The following CRB1 variants were observed in gnomAD, a reference collection of about 807,000 sequenced individuals.
CRB1 encodes the protein crumbs cell polarity complex component 1.
A neutral mutation model predicts 120.0 loss-of-function variants in CRB1; 83 were observed. That is an observed-to-expected ratio of 0.69 (90% CI 0.58 to 0.83). The LOEUF (loss-of-function observed/expected upper bound fraction) is 0.83, where lower values mean the gene tolerates loss of function less well. Among genes scored for constraint, CRB1 ranks in the 40% least tolerant of loss-of-function variants. The pLI, the probability that CRB1 is intolerant of heterozygous loss-of-function variation, is 0.00. For synonymous variants in CRB1, 625 were observed against 612.5 expected (o/e 1.02, Z -0.30); for missense variants, 1,699 against 1,687.6 (o/e 1.01, Z -0.12).
intron 11 of CRB1, among the ~76,000 whole-genome samples, chr1:197,456,813 G>A (rs1666305814): frequency 1.3e-5 from 2 of 152,256 alleles, no homozygotes; most frequent in East Asian, 1.9e-4. Flanking sequence ...ACCGGTTTCT[G>A]TAAGTCCATA....
chr1:197,241,151 G>A, the CRB1 span, among the ~76,000 whole-genome samples: 1 of 152,098 alleles, frequency 6.6e-6, no homozygotes, highest in Admixed American at 6.6e-5. Context: ...TCTGTAGGTT[G>A]CCTGTTCACT....
chr1:197,375,091 A>T (rs1661576400), intron 5 of CRB1, among the ~76,000 whole-genome samples: 1 of 152,136 alleles, frequency 6.6e-6, no homozygotes, highest in Admixed American at 6.6e-5. Flanking sequence ...TTCCAGAAAG[A>T]CATGTCTCTT....
chr1:197,425,659 C>G (rs958002825), intron 6 of CRB1, among the ~76,000 whole-genome samples: 2 of 152,164 alleles, frequency 1.3e-5, no homozygotes, highest in Non-Finnish European at 2.9e-5. Context: ...CAATTAAACA[C>G]TCCCTCCTCC....
chr1:197,365,489 T>A (rs894246775), intron 5 of CRB1, among the ~76,000 whole-genome samples: 1 of 152,084 alleles, frequency 6.6e-6, no homozygotes, highest in Non-Finnish European at 1.5e-5. Flanking sequence ...TTGCCTATGA[T>A]GCCTCTGGGG....
chr1:197,410,223 T>C (rs1392748847), intron 5 of CRB1, among the ~76,000 whole-genome samples: 1 of 152,248 alleles, frequency 6.6e-6, no homozygotes, highest in African/African-American at 2.4e-5. Context: ...AAATATTTGA[T>C]AATCAAGCTT....
At chr1:197,208,721 A>C in the CRB1 span, among the ~76,000 whole-genome samples, 1 of 152,174 alleles carries the variant, frequency 6.6e-6, no homozygotes, top group South Asian at 2.1e-4. Flanking sequence ...TCAAGACCAC[A>C]TCACCTCCGG....
chr1:197,294,648 A>G (rs546644145), intron 1 of CRB1, among the ~76,000 whole-genome samples: 17 of 152,292 alleles, frequency 1.1e-4, no homozygotes, highest in African/African-American at 4.1e-4. Flanking sequence ...AAAGACTTGG[A>G]ACCAACCCAA....
chr1:197,381,131 G>A (rs1029394178), intron 5 of CRB1, among the ~76,000 whole-genome samples: 5 of 151,898 alleles, frequency 3.3e-5, no homozygotes, highest in Non-Finnish European at 5.9e-5. Context: ...ACCACTCTAG[G>A]GCCTTCAATA....
chr1:197,284,688 T>C (rs1558028844), intron 1 of CRB1, among the ~76,000 whole-genome samples: 1 of 151,918 alleles, frequency 6.6e-6, no homozygotes, highest in Non-Finnish European at 1.5e-5. Flanking sequence ...GTTAGTCCTT[T>C]TTCGGTATAT....
At chr1:197,333,560 A>G (rs2786115) in intron 2 of CRB1, among the ~76,000 whole-genome samples, 106,394 of 152,154 alleles carry the variant, frequency 0.7, 37,442 homozygotes, top group East Asian at 0.93. Flanking sequence ...GTATGTTGAA[A>G]CAAATCAATG....
chr1:197,222,339 G>A, the CRB1 span: 1 of 738,936 alleles, frequency 1.4e-6, no homozygotes, highest in South Asian at 1.4e-5. Flanking sequence ...GTGAATCCCA[G>A]ACGTGGCTGC....
At chr1:197,319,432 CAAAAAAAAAA>C (rs10646084) in intron 1 of CRB1, among the ~76,000 whole-genome samples, 4 of 27,096 alleles carry the variant, frequency 1.5e-4, no homozygotes, top group Admixed American at 6.7e-4. Context: ...GACTCCATCT[CAAAAAAAAAA>C]AAAAAAAAAA....
intron 10 of CRB1, chr1:197,440,474 T>G (rs181807532): frequency 2.0e-5 from 3 of 152,356 alleles, no homozygotes; most frequent in African/African-American, 4.8e-5. Context: ...GTTCAGTAGA[T>G]TCTATGCTTT....
intron 5 of CRB1, chr1:197,413,862 C>T (rs773957649): frequency 5.6e-5 from 25 of 450,404 alleles, no homozygotes; most frequent in African/African-American, 5.0e-4. Context: ...AACAAGCCCA[C>T]ACTTCTGGAT....
intron 5 of CRB1, among the ~76,000 whole-genome samples, chr1:197,386,679 C>T (rs1662233259): frequency 6.6e-6 from 1 of 152,110 alleles, no homozygotes; most frequent in African/African-American, 2.4e-5. Context: ...TCACGTGCTC[C>T]TCTTTAACTC....
intron 9 of CRB1, among the ~76,000 whole-genome samples, 182 bp from the exon 10 acceptor site, chr1:197,438,365 C>G (rs1166470195): frequency 6.6e-6 from 1 of 152,170 alleles, no homozygotes; most frequent in Non-Finnish European, 1.5e-5. Flanking sequence ...AACCCTCCAG[C>G]AGGAGCTTTT....
chr1:197,299,761 C>A (rs1421300794), intron 1 of CRB1, among the ~76,000 whole-genome samples: 1 of 150,440 alleles, frequency 6.6e-6, no homozygotes, highest in Non-Finnish European at 1.5e-5. Context: ...ACTCCATAGA[C>A]CATGATGTGC....
At chr1:197,259,421 C>T in the CRB1 span, among the ~76,000 whole-genome samples, 2 of 152,306 alleles carry the variant, frequency 1.3e-5, no homozygotes, top group South Asian at 4.1e-4. Flanking sequence ...AGCAAACTAA[C>T]ACAGGAACAG....
At chr1:197,361,563 A>T (rs1277071289) in intron 5 of CRB1, among the ~76,000 whole-genome samples, 1 of 151,734 alleles carries the variant, frequency 6.6e-6, no homozygotes, top group Non-Finnish European at 1.5e-5. Context: ...ATGTTGGATG[A>T]TTGTAGTGAT....
Sources: gnomAD v4.1 joint callset for allele counts (sites outside exome capture counted in the v4.1 genomes callset) on GRCh38, gnomAD v4.1.1 for gene constraint, MANE v1.5 for transcripts, NCBI Gene and HGNC (gene_info 2026-07-23, HGNC 2026-07-21) for gene names.